Variants in ASPA observed in about 807,000 individuals in gnomAD.
ASPA encodes the protein aspartoacylase.
ASPA carries 25 observed loss-of-function variants against 29.6 expected under a neutral mutation model. That is an observed-to-expected ratio of 0.85 (90% CI 0.62 to 1.18). ASPA has a LOEUF of 1.18. Ranked by LOEUF, ASPA falls within the 50% of genes most tolerant of loss-of-function variation. The pLI is 0.00. For synonymous variants in ASPA, 131 were observed against 130.3 expected, an observed-to-expected ratio of 1.01 and a Z score of -0.04; for missense variants, 333 against 385.7, an observed-to-expected ratio of 0.86 and a Z score of 1.14.
rs1217100787 is a variant in ASPA, at chr17:3,490,785, G to A, written c.634+1443G>A. The stretch of plus-strand genomic sequence containing the variant: ...AAGGCCACAAATCTGGGTGGAAAAC[G>A]TGGTTGGTTTTCAGATCATAGTCCA... On this transcript the variant is annotated intron_variant, in intron 4 of 5. Transcript: ENST00000263080. The surrounding 1 kb of genome is among the most constrained non-coding windows in gnomAD (Gnocchi z 4.6). Among the ~76,000 whole-genome samples the A allele has an allele frequency of 5.3e-5, 8 of 152,132 alleles. No individual in the cohort carries two copies. Among genetic ancestry groups the A allele is most frequent in the Non-Finnish European group, 8.8e-5 (6 of 68,024 alleles).
intron 1 of ASPA, among the ~76,000 whole-genome samples, chr17:3,480,041 G>C (rs1236951850): frequency 1.4e-5 from 1 of 71,548 alleles, no homozygotes; most frequent in Non-Finnish European, 3.8e-5. Flanking sequence ...CCTTTTTGGA[G>C]AGGTTAGACT....
chr17:3,492,008 C>T (rs1248439469), intron 4 of ASPA, among the ~76,000 whole-genome samples: 1 of 150,184 alleles, frequency 6.7e-6, no homozygotes, highest in Non-Finnish European at 1.5e-5. Context: ...TCCTGAGTTG[C>T]TGGGACTACA....
chr17:3,478,388 T>A lies in ASPA; in HGVS notation c.236+1993T>A, dbSNP rs1365987858. On this transcript the variant is annotated intron_variant, in intron 1 of 5. Transcript: ENST00000263080. Reference sequence around the variant, plus strand: ...GTTTTTCAGGGCAATTATACTGCAGTCATCCTGTTTGTATCAAATCATATT... The same window carrying A: ...GTTTTTCAGGGCAATTATACTGCAGACATCCTGTTTGTATCAAATCATATT... 2.0e-5 allele frequency among the ~76,000 whole-genome samples: 3 copies of A among 152,206 alleles called. No individual in the cohort carries two copies. In the East Asian group the frequency reaches 5.8e-4, roughly 29 times the overall value.
chr17:3,496,661 T>C (rs577424529), intron 5 of ASPA, among the ~76,000 whole-genome samples: 10 of 152,328 alleles, frequency 6.6e-5, no homozygotes, highest in African/African-American at 2.2e-4. Flanking sequence ...TAAGGGATGC[T>C]AACTGGAATC....
intron 4 of ASPA, among the ~76,000 whole-genome samples, chr17:3,491,499 C>T (rs1291662598): frequency 1.3e-5 from 2 of 152,078 alleles, no homozygotes; most frequent in African/African-American, 2.4e-5. Flanking sequence ...GTAATCCTTG[C>T]ACTTTGGGAG....
intron 3 of ASPA, among the ~76,000 whole-genome samples, chr17:3,487,747 A>G (rs1481602717): frequency 1.3e-5 from 2 of 152,208 alleles, no homozygotes; most frequent in Non-Finnish European, 2.9e-5. Context: ...TTCAACATTT[A>G]CTCTTGAAAT....
At chr17:3,491,216 T>C (rs1490292028) in intron 4 of ASPA, among the ~76,000 whole-genome samples, 1 of 152,192 alleles carries the variant, frequency 6.6e-6, no homozygotes, top group African/African-American at 2.4e-5. Context: ...TGACAATCTT[T>C]AACAATTGTT....
intron 3 of ASPA, among the ~76,000 whole-genome samples, chr17:3,486,930 G>T (rs1186109731): frequency 6.6e-6 from 1 of 152,160 alleles, no homozygotes; most frequent in Non-Finnish European, 1.5e-5. Flanking sequence ...AGAGTCAGGG[G>T]TGGCGTTGAA....
At chr17:3,483,215 C>T (rs780989992) in intron 2 of ASPA, among the ~76,000 whole-genome samples, 4 of 152,006 alleles carry the variant, frequency 2.6e-5, no homozygotes, top group Non-Finnish European at 5.9e-5. Flanking sequence ...TAAGAAAGAA[C>T]ATTTATTTCA....
intron 1 of ASPA, 132 bp downstream of exon 1, chr17:3,476,527 C>A: frequency 2.4e-6 from 2 of 848,764 alleles, no homozygotes; most frequent in Non-Finnish European, 3.9e-6. Context: ...TGAATAAGAT[C>A]ACTTTCACTT....
chr17:3,476,465 A>C, intron 1 of ASPA, 70 bp downstream of exon 1: 11 of 1,358,766 alleles, frequency 8.1e-6, no homozygotes, highest in Non-Finnish European at 1.2e-5. Flanking sequence ...GAAAGAGAAC[A>C]CATATATGTA....
At chr17:3,478,277 A>C (rs8068239) in intron 1 of ASPA, among the ~76,000 whole-genome samples, 5,615 of 152,270 alleles carry the variant, frequency 0.037, 160 homozygotes, top group East Asian at 0.11. Flanking sequence ...AATTTGAGTT[A>C]GATCACTCCT....
intron 1 of ASPA, among the ~76,000 whole-genome samples, chr17:3,476,680 T>C (rs1026470611): frequency 4.6e-5 from 7 of 152,212 alleles, no homozygotes; most frequent in African/African-American, 1.7e-4. Context: ...AGGGTTTTGT[T>C]TTAAAATCAT....
chr17:3,498,868 T>G lies in ASPA; in HGVS notation c.745-23T>G, dbSNP rs368363489. On this transcript the variant is annotated intron_variant, in intron 5 of 5. Coordinates refer to ENST00000263080, the MANE Select transcript of ASPA (RefSeq NM_000049.4). ...AGGAGAAAAACCAAATATAATATAT[T>G]TATTTTGATTGTTTCCTGAGAGGAT... 52 of 1,503,120 alleles carry G rather than the reference T, an allele frequency of 3.5e-5. 1 individual carries two copies. In the Middle Eastern group the frequency reaches 7.1e-4, roughly 20 times the overall value. 93.1% of individuals were successfully genotyped at this position (1,503,120 alleles called of 1,614,324 possible). A position where few individuals can be genotyped will look rare whatever the true frequency, so the allele number is the denominator to read the frequency against.
intron 4 of ASPA, among the ~76,000 whole-genome samples, 171 bp downstream of exon 4, chr17:3,489,513 C>A (rs1022365315): frequency 6.6e-6 from 1 of 152,092 alleles, no homozygotes; most frequent in Non-Finnish European, 1.5e-5. Flanking sequence ...AAAGCAGCTG[C>A]CAAATAAAGA....
chr17:3,474,927 C>A (rs530409917), upstream of ASPA, among the ~76,000 whole-genome samples: 22 of 152,284 alleles, frequency 1.4e-4, no homozygotes, highest in South Asian at 8.3e-4. Context: ...CCCTGCAGAA[C>A]CTTAACTGAG....
Position 3,485,725 on chromosome 17 carries a change from C to T in ASPA, c.526+2133C>T, listed in dbSNP as rs1256895357. ...GATCTGAGAAATTTTACCCGACTTACAAGCTAACCATTAGCCTAGCACCTC... is the reference window on the plus strand; with the variant it reads ...GATCTGAGAAATTTTACCCGACTTATAAGCTAACCATTAGCCTAGCACCTC... On this transcript the variant is annotated intron_variant, in intron 3 of 5. Transcript: ENST00000263080. The surrounding 1 kb of genome is among the most constrained non-coding windows in gnomAD (Gnocchi z 4.4). Among the ~76,000 whole-genome samples the T allele has an allele frequency of 6.6e-6, 1 of 152,200 alleles. No homozygotes were observed. The highest frequency in any genetic ancestry group is 6.6e-5 in the Admixed American group (1 of 15,266).
At chr17:3,484,436 C>A (rs1257534953) in intron 3 of ASPA, among the ~76,000 whole-genome samples, 1 of 152,056 alleles carries the variant, frequency 6.6e-6, no homozygotes, top group African/African-American at 2.4e-5. Context: ...ACTGGAAGAG[C>A]AGGAAAGACC....
chr17:3,476,674 T>C (rs189874825), intron 1 of ASPA, among the ~76,000 whole-genome samples: 2 of 152,166 alleles, frequency 1.3e-5, no homozygotes, highest in Admixed American at 6.5e-5. Flanking sequence ...TAGAAAAGGG[T>C]TTTGTTTTAA....
Sources: allele counts gnomAD v4.1 joint callset (sites outside exome capture counted in the v4.1 genomes callset), GRCh38; gene constraint gnomAD v4.1.1; non-coding constraint Gnocchi (gnomAD v3.1); transcripts MANE v1.5; gene names NCBI Gene and HGNC (gene_info 2026-07-23, HGNC 2026-07-21).